CIB3: variants seen among roughly 807,000 people sequenced by gnomAD.
CIB3 encodes the protein calcium and integrin-binding family member 3.
Under a neutral mutation model 23.4 loss-of-function variants are expected in CIB3, and 22 were observed. That is an observed-to-expected ratio of 0.94 (90% CI 0.67 to 1.34). The LOEUF (loss-of-function observed/expected upper bound fraction) is 1.34. Ranked by LOEUF, CIB3 falls within the 40% of genes most tolerant of loss-of-function variation. The pLI is 0.00. For missense variants in CIB3, 258 were observed against 247.3 expected, an observed-to-expected ratio of 1.04 and a Z score of -0.29; for synonymous variants, 93 against 95.8, an observed-to-expected ratio of 0.97 and a Z score of 0.17.
intron 2 of CIB3, among the ~76,000 whole-genome samples, chr19:16,170,079 G>A (rs527510263): frequency 9.2e-5 from 14 of 152,286 alleles, no homozygotes; most frequent in Admixed American, 6.5e-4. Context: ...GATTACAGGC[G>A]TGAGCCACCG....
chr19:16,161,376 A>G lies in CIB3; in HGVS notation c.*89T>C. 2.3e-6 allele frequency: 3 copies of G among 1,333,086 alleles called. No individual in the cohort carries two copies. The highest frequency in any genetic ancestry group is 3.2e-6 in the Non-Finnish European group (3 of 924,010). 82.6% of individuals were successfully genotyped at this position (1,333,086 alleles called of 1,614,324 possible). On this transcript the variant is annotated 3_prime_UTR_variant, in exon 6 of 6. Transcript: ENST00000269878. ...TGTGTCCTCCCAGCAGGTGTGACTCAGTGACTTGTGTTTATTCTCAGAAAC... is the reference window on the plus strand; with the variant it reads ...TGTGTCCTCCCAGCAGGTGTGACTCGGTGACTTGTGTTTATTCTCAGAAAC...
At chr19:16,169,577 C>A (rs563197919) in intron 3 of CIB3, 53 bp downstream of exon 3, 90 of 1,492,520 alleles carry the variant, frequency 6.0e-5, no homozygotes, top group Non-Finnish European at 7.5e-5. Flanking sequence ...AGGAATGCAA[C>A]GAGAGACATC....
intron 2 of CIB3, 83 bp downstream of exon 2, chr19:16,173,078 AC>A: frequency 6.5e-7 from 1 of 1,526,832 alleles, no homozygotes; most frequent in Non-Finnish European, 9.1e-7. Context: ...ACACACACAC[AC>A]ACACACCAAA....
In CIB3 at chr19:16,173,155, G is replaced by C. The variant is rs1357261972; in HGVS notation, c.86+7C>G. On this transcript the variant is annotated splice_region_variant and intron_variant, in intron 2 of 5. Coordinates refer to ENST00000269878, the MANE Select transcript of CIB3 (RefSeq NM_054113.4). Reference sequence around the variant, plus strand: ...CAGATCTTCTCTCCCTTCCTCCCTGGACTGACCTCATGATCTCCTTCCTTG... The same window carrying C: ...CAGATCTTCTCTCCCTTCCTCCCTGCACTGACCTCATGATCTCCTTCCTTG... The C allele has an allele frequency of 1.2e-6, 2 of 1,612,992 alleles. No homozygotes were observed. The highest frequency in any genetic ancestry group is 1.1e-5 in the South Asian group (1 of 91,052).
Position 16,168,423 on chromosome 19 carries a change from G to A in CIB3, c.199-139C>T. 3 of 1,266,508 alleles carry A rather than the reference G, an allele frequency of 2.4e-6. No homozygotes were observed. In the South Asian group the frequency reaches 4.6e-5, roughly 20 times the overall value. 78.5% of individuals were successfully genotyped at this position (1,266,508 alleles called of 1,614,324 possible). On this transcript the variant is annotated intron_variant, in intron 3 of 5. Coordinates refer to ENST00000269878, the MANE Select transcript of CIB3 (RefSeq NM_054113.4). ...AGACCCACTCCCTCCCATGGTCCCT[G>A]GACAGGACTTTGGACAACTCCACCC...
rs368286211 is a variant in CIB3, at chr19:16,168,292, C to T, written c.199-8G>A. 12 of 1,613,312 alleles carry T rather than the reference C, an allele frequency of 7.4e-6. No homozygotes were observed. Among genetic ancestry groups the T allele is most frequent in the Non-Finnish European group, 1.0e-5 (12 of 1,179,796 alleles). On this transcript the variant is annotated splice_region_variant and splice_polypyrimidine_tract_variant and intron_variant, in intron 3 of 5. Transcript: ENST00000269878. ...CTGGCGGAAGGGGTTGTCCTGGGGA[C>T]AGAAAGGAAGCTGGGAGGCCATCCT...
chr19:16,169,305 A>G (rs573339731), intron 3 of CIB3, among the ~76,000 whole-genome samples: 106 of 151,994 alleles, frequency 7.0e-4, no homozygotes, highest in Admixed American at 2.0e-3. Context: ...TACCACGCCC[A>G]GCTAATTTTT....
In CIB3 at chr19:16,161,433, C is replaced by T. The variant is rs1391237795; in HGVS notation, c.*32G>A. On this transcript the variant is annotated 3_prime_UTR_variant, in exon 6 of 6. Coordinates refer to ENST00000269878, the MANE Select transcript of CIB3 (RefSeq NM_054113.4). ...CCACAGCGGGTGAGGGGTCACCCCGCCCTCCTATAGCTCGGCTCCTCTGTG... is the reference window on the plus strand; with the variant it reads ...CCACAGCGGGTGAGGGGTCACCCCGTCCTCCTATAGCTCGGCTCCTCTGTG... 1.9e-6 allele frequency: 3 copies of T among 1,613,330 alleles called. No homozygotes were observed. The highest frequency in any genetic ancestry group is 3.3e-4 in the Middle Eastern group (2 of 6,060).
At chr19:16,171,390 A>G (rs1395485963) in intron 2 of CIB3, among the ~76,000 whole-genome samples, 2 of 152,116 alleles carry the variant, frequency 1.3e-5, no homozygotes, top group Admixed American at 6.6e-5. Context: ...GCTGAGCAGC[A>G]GCCTTGCAGA....
intron 2 of CIB3, among the ~76,000 whole-genome samples, chr19:16,171,946 C>T (rs1347401560): frequency 1.3e-5 from 2 of 152,230 alleles, no homozygotes; most frequent in Non-Finnish European, 2.9e-5. Flanking sequence ...GTTCATGGGT[C>T]GGGGCCCCTG....
chr19:16,167,395 C>A (rs1357846229), intron 4 of CIB3, among the ~76,000 whole-genome samples: 2 of 152,116 alleles, frequency 1.3e-5, no homozygotes, highest in Non-Finnish European at 2.9e-5. Flanking sequence ...TGAGTCTTCT[C>A]AGGGACAAAG....
At chr19:16,162,368 GTGAGCTA>G (rs1440422015) in intron 5 of CIB3, among the ~76,000 whole-genome samples, 4 of 152,108 alleles carry the variant, frequency 2.6e-5, no homozygotes, top group Admixed American at 2.6e-4. Flanking sequence ...AGAGGCTGCA[GTGAGCTA>G]TGATTGTGCC....
chr19:16,169,632 T>C lies in CIB3; in HGVS notation c.196A>G (p.Lys66Glu), dbSNP rs1331460320. The C allele has an allele frequency of 6.2e-7, 1 of 1,612,800 alleles. No individual in the cohort carries two copies. The highest frequency in any genetic ancestry group is 8.5e-7 in the Non-Finnish European group (1 of 1,179,220). Residue 66 changes from lysine (K) to glutamate (E), a missense_variant and splice_region_variant, in exon 3 of 6, where the codon AAG becomes GAG. Lys to Glu is a moderately conservative substitution (Grantham distance 56). Coordinates refer to ENST00000269878, the MANE Select transcript of CIB3 (RefSeq NM_054113.4). ...YELIGSMPEL[K>E]DNPFRQRIAQ... ...TTTGTCCCATGGCCTGGGCATACCT[T>C]CAGCTCGGGCATGCTGCCAATGAGC...
intron 4 of CIB3, among the ~76,000 whole-genome samples, chr19:16,166,462 C>T (rs1169012979): frequency 6.6e-6 from 1 of 152,052 alleles, no homozygotes; most frequent in Non-Finnish European, 1.5e-5. Context: ...TTATTGAGTG[C>T]CTACTGTGTA....
intron 2 of CIB3, among the ~76,000 whole-genome samples, chr19:16,170,759 T>C (rs1004623647): frequency 7.3e-5 from 11 of 149,880 alleles, no homozygotes; most frequent in African/African-American, 2.2e-4. Context: ...GAGCTGGAGG[T>C]TGCAGTGAGC....
At chr19:16,167,668 C>G (rs770731077) in intron 4 of CIB3, among the ~76,000 whole-genome samples, 1 of 151,916 alleles carries the variant, frequency 6.6e-6, no homozygotes, top group Non-Finnish European at 1.5e-5. Context: ...CCCGTTTCTA[C>G]TAAAAATACA....
rs750642589 is a variant in CIB3, at chr19:16,161,508, G to C, written c.543-22C>G. On this transcript the variant is annotated intron_variant, in intron 5 of 5. Transcript: ENST00000269878. ...GGTGCTGTGTGCAGAGAGAAAAGGAGTCAAGGCCTTCAAGGAGTGGACAAC... is the reference window on the plus strand; with the variant it reads ...GGTGCTGTGTGCAGAGAGAAAAGGACTCAAGGCCTTCAAGGAGTGGACAAC... 6 of 1,613,696 alleles carry C rather than the reference G, an allele frequency of 3.7e-6. No homozygotes were observed. In the Admixed American group the frequency reaches 5.0e-5, roughly 13 times the overall value.
chr19:16,163,815 C>T (rs1288027335), intron 5 of CIB3, among the ~76,000 whole-genome samples: 1 of 152,152 alleles, frequency 6.6e-6, no homozygotes, highest in Admixed American at 6.5e-5. Flanking sequence ...TGACGCAACT[C>T]TGTTGTTGAA....
chr19:16,166,285 CTG>C (rs1232869215), intron 4 of CIB3, among the ~76,000 whole-genome samples: 1 of 152,116 alleles, frequency 6.6e-6, no homozygotes, highest in Non-Finnish European at 1.5e-5. Flanking sequence ...GAGTGAGACG[CTG>C]TCTCAGTAAA....
Sources: allele counts gnomAD v4.1 joint callset (sites outside exome capture counted in the v4.1 genomes callset), GRCh38; gene constraint gnomAD v4.1.1; transcripts MANE v1.5; gene names NCBI Gene and HGNC (gene_info 2026-07-23, HGNC 2026-07-21).